Variants in ACYP2 observed in about 807,000 individuals in gnomAD.
The protein encoded by ACYP2 is acylphosphatase 2, also known as acylphosphatase-2.
In ACYP2, 12 loss-of-function variants were observed where a neutral mutation model predicts 11.2. The ratio of observed to expected loss-of-function variants is 1.08; its 90% CI spans 0.69 to 1.74. The LOEUF (loss-of-function observed/expected upper bound fraction) is 1.74, where lower values mean the gene tolerates loss of function less well. ACYP2 is among the 40% of genes most tolerant of loss of function. The pLI, the probability that ACYP2 is intolerant of heterozygous loss-of-function variation, is 0.00. For missense variants in ACYP2, 134 were observed against 101.9 expected, an observed-to-expected ratio of 1.31 and a Z score of -1.35; for synonymous variants, 43 against 32.2, an observed-to-expected ratio of 1.33 and a Z score of -1.13.
intron 2 of ACYP2, among the ~76,000 whole-genome samples, chr2:54,014,068 G>A (rs1419582554): frequency 6.6e-6 from 1 of 151,950 alleles, no homozygotes; most frequent in Non-Finnish European, 1.5e-5. Context: ...TGAGGCAGGG[G>A]AATCGCTTGA....
At chr2:54,049,909 A>C (rs1675742667) in intron 2 of ACYP2, among the ~76,000 whole-genome samples, 1 of 152,126 alleles carries the variant, frequency 6.6e-6, no homozygotes, top group Non-Finnish European at 1.5e-5. Flanking sequence ...GTTATTTTCC[A>C]AGGAGCCCTG....
intron 2 of ACYP2, among the ~76,000 whole-genome samples, chr2:53,994,306 G>A (rs1438869398): frequency 7.1e-6 from 1 of 140,918 alleles, no homozygotes; most frequent in Non-Finnish European, 1.5e-5. Flanking sequence ...CTCTAGCCTG[G>A]GTAACAGAGC....
chr2:54,130,486 G>C (rs1680834997), intron 4 of ACYP2, among the ~76,000 whole-genome samples: 1 of 152,150 alleles, frequency 6.6e-6, no homozygotes, highest in African/African-American at 2.4e-5. Context: ...GGAAGGAAAT[G>C]CTTTGATTTT....
intron 6 of ACYP2, among the ~76,000 whole-genome samples, chr2:54,171,106 C>T (rs1683203420): frequency 6.6e-6 from 1 of 152,100 alleles, no homozygotes; most frequent in African/African-American, 2.4e-5. Context: ...AGCCAGAGCT[C>T]CTCTCAAGGT....
chr2:54,197,935 ATGTATTATATTGTAT>A (rs1305147118), intron 6 of ACYP2, among the ~76,000 whole-genome samples: 1,607 of 130,988 alleles, frequency 0.012, 110 homozygotes, highest in East Asian at 0.037. Flanking sequence ...TTATTTATGT[ATGTATTATATTGTAT>A]TGTATTGTAT....
chr2:54,069,067 A>T (rs1676884598), intron 4 of ACYP2, among the ~76,000 whole-genome samples: 1 of 152,048 alleles, frequency 6.6e-6, no homozygotes, highest in Admixed American at 6.5e-5. Context: ...AGCTGGGACT[A>T]CATGTGGCAC....
intron 2 of ACYP2, among the ~76,000 whole-genome samples, chr2:54,019,875 C>A (rs1191038152): frequency 1.3e-5 from 2 of 151,864 alleles, no homozygotes; most frequent in African/African-American, 4.8e-5. Flanking sequence ...CTGCCTCGGC[C>A]TTCCAAAGTG....
chr2:54,119,322 TC>T (rs1680007151), intron 4 of ACYP2, among the ~76,000 whole-genome samples: 1 of 151,964 alleles, frequency 6.6e-6, no homozygotes, highest in South Asian at 2.1e-4. Flanking sequence ...CTCACAAAGT[TC>T]TGGCCTTATA....
At chr2:54,169,395 C>T (rs1572883639) in intron 6 of ACYP2, among the ~76,000 whole-genome samples, 1 of 152,202 alleles carries the variant, frequency 6.6e-6, no homozygotes. Flanking sequence ...TAAATACACA[C>T]ATGCTCACCT....
chr2:54,108,613 T>A (rs1437238566), intron 4 of ACYP2, among the ~76,000 whole-genome samples: 1 of 151,990 alleles, frequency 6.6e-6, no homozygotes, highest in African/African-American at 2.4e-5. Context: ...TTGTCTGAGC[T>A]GGTGGCTGGC....
intron 6 of ACYP2, among the ~76,000 whole-genome samples, chr2:54,260,465 G>A (rs891676748): frequency 2.6e-5 from 4 of 152,178 alleles, no homozygotes; most frequent in African/African-American, 9.7e-5. Flanking sequence ...CAGCTGCAGT[G>A]TGAATAAGCA....
rs569489908 is a variant in ACYP2 at position 54,170,827 on chromosome 2, C to A, written c.404+32079C>A. Among the ~76,000 whole-genome samples the A allele has an allele frequency of 7.5e-4, 114 of 152,306 alleles. 2 individuals are homozygous for A. In the South Asian group the frequency reaches 0.021, roughly 29 times the overall value. On this transcript the variant is annotated intron_variant, in intron 6 of 6. Transcript: ENST00000607452. ...TGGAACTCCTGTAATGAAGTAGTTA[C>A]ACAGTCAAAGGTGGGAGGAGGGTCT...
At chr2:54,279,778 C>G (rs932922005) in intron 6 of ACYP2, among the ~76,000 whole-genome samples, 1 of 152,188 alleles carries the variant, frequency 6.6e-6, no homozygotes, top group Non-Finnish European at 1.5e-5. Flanking sequence ...CACATTCCTT[C>G]ATCATTCCAA....
At chr2:54,149,477 G>T (rs1445140009) in intron 6 of ACYP2, among the ~76,000 whole-genome samples, 1 of 152,100 alleles carries the variant, frequency 6.6e-6, no homozygotes, top group African/African-American at 2.4e-5. Context: ...GATGCATAAG[G>T]ACTGTTTTGA....
intron 6 of ACYP2, among the ~76,000 whole-genome samples, chr2:54,188,041 G>C (rs540250740): frequency 3.7e-4 from 57 of 152,308 alleles, no homozygotes; most frequent in African/African-American, 1.3e-3. Flanking sequence ...ACCTGTCGTA[G>C]CCCTGATCTT....
intron 6 of ACYP2, among the ~76,000 whole-genome samples, chr2:54,271,583 C>T (rs1424281634): frequency 6.6e-6 from 1 of 151,996 alleles, no homozygotes; most frequent in African/African-American, 2.4e-5. Flanking sequence ...TCCCTCTGTG[C>T]ACCAAATTAT....
chr2:54,052,056 A>G (rs867073752), intron 3 of ACYP2, among the ~76,000 whole-genome samples: 2,886 of 151,164 alleles, frequency 0.019, 103 homozygotes, highest in African/African-American at 0.066. Flanking sequence ...CAATAAATAA[A>G]TAAATAAATA....
intron 6 of ACYP2, among the ~76,000 whole-genome samples, chr2:54,235,284 T>A (rs1686423847): frequency 6.6e-6 from 1 of 152,142 alleles, no homozygotes; most frequent in Admixed American, 6.5e-5. Flanking sequence ...ACAGGTTTTT[T>A]TTTTTAATTA....
At chr2:54,169,296 A>T (rs1683132099) in intron 6 of ACYP2, among the ~76,000 whole-genome samples, 1 of 151,886 alleles carries the variant, frequency 6.6e-6, no homozygotes. Context: ...TCTGATTTTG[A>T]TCTGTTTCTT....
Sources: allele counts gnomAD v4.1 joint callset (sites outside exome capture counted in the v4.1 genomes callset), GRCh38; gene constraint gnomAD v4.1.1; transcripts MANE v1.5; gene names NCBI Gene and HGNC (gene_info 2026-07-23, HGNC 2026-07-21).